The following SLC24A4 variants were observed in gnomAD, a reference collection of about 807,000 sequenced individuals.
SLC24A4 encodes the protein sodium/potassium/calcium exchanger 4.
In SLC24A4, 53 loss-of-function variants were observed where a neutral mutation model predicts 79.0. The observed-to-expected ratio is 0.67, with a 90% CI of 0.54 to 0.84. SLC24A4 has a LOEUF of 0.84. Ranked by LOEUF, SLC24A4 falls within the 40% of genes least tolerant of loss-of-function variation. The pLI, the probability that SLC24A4 is intolerant of heterozygous loss-of-function variation, is 0.00. For synonymous variants in SLC24A4, 323 were observed against 323.8 expected (o/e 1.00, Z 0.03); for missense variants, 731 against 822.0 (o/e 0.89, Z 1.35).
chr14:92,348,423 C>G (rs1234212076), intron 2 of SLC24A4, among the ~76,000 whole-genome samples: 1 of 152,236 alleles, frequency 6.6e-6, no homozygotes, highest in Admixed American at 6.5e-5. Flanking sequence ...TCTATAGCAA[C>G]TGCTCCACTC....
intron 12 of SLC24A4, among the ~76,000 whole-genome samples, chr14:92,462,994 G>A (rs1179993683): frequency 2.0e-5 from 3 of 152,218 alleles, no homozygotes; most frequent in Non-Finnish European, 4.4e-5. Flanking sequence ...GTCTTCTAGT[G>A]TGTGTGCAGG....
At chr14:92,366,301 G>T (rs915656443) in intron 2 of SLC24A4, among the ~76,000 whole-genome samples, 1 of 152,204 alleles carries the variant, frequency 6.6e-6, no homozygotes, top group Non-Finnish European at 1.5e-5. Flanking sequence ...AGACCCCTCT[G>T]GTGGGCAGAT....
At chr14:92,486,841 G>A (rs918207485) in intron 14 of SLC24A4, 61 bp downstream of exon 14, 2 of 1,270,838 alleles carry the variant, frequency 1.6e-6, no homozygotes, top group East Asian at 2.5e-5. Context: ...CCTCGTCCCT[G>A]CCTGACTTAC....
At chr14:92,335,447 C>T (rs531632906) in intron 2 of SLC24A4, among the ~76,000 whole-genome samples, 7 of 152,190 alleles carry the variant, frequency 4.6e-5, no homozygotes, top group South Asian at 4.1e-4. Flanking sequence ...CTCTGCCTCC[C>T]GGGTTCAAGC....
intron 2 of SLC24A4, among the ~76,000 whole-genome samples, chr14:92,358,974 C>T (rs1566711850): frequency 6.6e-6 from 1 of 152,248 alleles, no homozygotes; most frequent in South Asian, 2.1e-4. Context: ...GTGTGAGCCA[C>T]CACGCCCGGC....
At chr14:92,324,318 G>A (rs774154825) in intron 1 of SLC24A4, among the ~76,000 whole-genome samples, 18 of 152,246 alleles carry the variant, frequency 1.2e-4, no homozygotes, top group Non-Finnish European at 2.6e-4. Context: ...GCGAAACTGA[G>A]TGGCCCGCTT....
intron 1 of SLC24A4, 58 bp from the exon 2 acceptor site, chr14:92,325,810 T>C: frequency 9.6e-7 from 1 of 1,044,514 alleles, no homozygotes; most frequent in Admixed American, 2.0e-5. Flanking sequence ...TAAGGTCATT[T>C]TGGAAACGCA....
intron 12 of SLC24A4, among the ~76,000 whole-genome samples, chr14:92,467,283 T>G (rs550070374): frequency 6.6e-6 from 1 of 152,346 alleles, no homozygotes; most frequent in African/African-American, 2.4e-5. Context: ...TACCACATTA[T>G]TAGAGTAAAG....
At chr14:92,417,309 T>C (rs992256805) in intron 2 of SLC24A4, among the ~76,000 whole-genome samples, 4 of 152,200 alleles carry the variant, frequency 2.6e-5, no homozygotes, top group Middle Eastern at 3.2e-3. Flanking sequence ...CTCATGTCTT[T>C]ATTTTTGATT....
At chr14:92,475,115 G>A (rs1207529853) in intron 12 of SLC24A4, among the ~76,000 whole-genome samples, 1 of 151,922 alleles carries the variant, frequency 6.6e-6, no homozygotes, top group East Asian at 1.9e-4. Context: ...CCAGTGTACT[G>A]TTGTCACCCC....
At chr14:92,468,861 G>C (rs1894266173) in intron 12 of SLC24A4, among the ~76,000 whole-genome samples, 1 of 151,636 alleles carries the variant, frequency 6.6e-6, no homozygotes, top group Non-Finnish European at 1.5e-5. Context: ...TCTAACCACA[G>C]AATGGGAGAA....
At position 92,323,679 on chromosome 14, in the gene SLC24A4, C is replaced by T. The variant is rs2141579996; in HGVS notation, c.-152C>T. On this transcript the variant is annotated 5_prime_UTR_variant, in exon 1 of 17. Coordinates refer to ENST00000532405, the MANE Select transcript of SLC24A4 (RefSeq NM_153646.4). The surrounding 1 kb of genome is among the most constrained non-coding windows in gnomAD (Gnocchi z 4.9). ...CTTCCCAAGGGGCTCCCCCGCCGAC[C>T]TCGCCCTCGGGCCATGAGGCTTTGG... is the stretch of plus-strand genomic sequence containing the variant. 1.0e-6 allele frequency: 1 copy of T among 974,132 alleles called. No individual in the cohort carries two copies. The allele number at this position is 974,132 out of a possible 1,614,324, so 60.3% of individuals were successfully genotyped here.
intron 2 of SLC24A4, among the ~76,000 whole-genome samples, chr14:92,414,765 A>G (rs1890891568): frequency 6.6e-6 from 1 of 152,130 alleles, no homozygotes; most frequent in South Asian, 2.1e-4. Flanking sequence ...GAAAACAATC[A>G]CGTGGTTGCC....
At chr14:92,435,613 T>C (rs1479703222) in intron 3 of SLC24A4, among the ~76,000 whole-genome samples, 5 of 152,198 alleles carry the variant, frequency 3.3e-5, no homozygotes, top group Non-Finnish European at 7.3e-5. Context: ...TGCTTGTATA[T>C]TTAAGCCCAA....
intron 2 of SLC24A4, among the ~76,000 whole-genome samples, chr14:92,397,206 A>T (rs967419834): frequency 3.3e-5 from 5 of 152,118 alleles, no homozygotes; most frequent in African/African-American, 1.2e-4. Flanking sequence ...ACGGTGGATA[A>T]TCCGAAATTT....
chr14:92,492,368 A>G (rs758678699), intron 16 of SLC24A4, 128 bp downstream of exon 16: 1 of 868,958 alleles, frequency 1.2e-6, no homozygotes. Context: ...AGGCAAGAAA[A>G]TGTAGACGTT....
chr14:92,419,587 C>A (rs1198210038), intron 2 of SLC24A4, among the ~76,000 whole-genome samples: 1 of 152,166 alleles, frequency 6.6e-6, no homozygotes, highest in Non-Finnish European at 1.5e-5. Context: ...GGAGAGTGAA[C>A]ATGAAATTTA....
At chr14:92,376,086 C>T (rs1048589366) in intron 2 of SLC24A4, among the ~76,000 whole-genome samples, 1 of 151,876 alleles carries the variant, frequency 6.6e-6, no homozygotes, top group Non-Finnish European at 1.5e-5. Context: ...TGCTGTGAGG[C>T]CAAATAAATG....
At chr14:92,385,331 C>G (rs960057259) in intron 2 of SLC24A4, among the ~76,000 whole-genome samples, 3 of 151,990 alleles carry the variant, frequency 2.0e-5, no homozygotes, top group African/African-American at 7.3e-5. Flanking sequence ...ATGGTGAAAC[C>G]CTGTCCCTAC....
Sources: gnomAD v4.1 joint callset for allele counts (sites outside exome capture counted in the v4.1 genomes callset) on GRCh38, gnomAD v4.1.1 for gene constraint, Gnocchi (gnomAD v3.1) non-coding constraint, MANE v1.5 for transcripts, NCBI Gene and HGNC (gene_info 2026-07-23, HGNC 2026-07-21) for gene names.